GNB4: variants seen among roughly 807,000 people sequenced by gnomAD.
The protein encoded by GNB4 is G protein subunit beta 4.
In GNB4, 28 loss-of-function variants were observed where a neutral mutation model predicts 45.2. That is an observed-to-expected ratio of 0.62 (90% CI 0.46 to 0.85). GNB4 has a LOEUF of 0.85. Among genes scored for constraint, GNB4 ranks in the 40% least tolerant of loss-of-function variants. GNB4 has a pLI of 0.00. For missense variants in GNB4, 321 were observed against 425.4 expected (o/e 0.75, Z 2.16); for synonymous variants, 132 against 143.7 (o/e 0.92, Z 0.58).
intron 1 of GNB4, among the ~76,000 whole-genome samples, chr3:179,432,561 T>G (rs915278772): frequency 1.1e-4 from 17 of 152,196 alleles, no homozygotes; most frequent in African/African-American, 4.1e-4. Flanking sequence ...AGGTGAAGCC[T>G]AATATGGCAA....
chr3:179,432,370 C>T (rs1715332474), intron 1 of GNB4, among the ~76,000 whole-genome samples: 1 of 152,102 alleles, frequency 6.6e-6, no homozygotes, highest in African/African-American at 2.4e-5. Context: ...CATTTTGTCA[C>T]TTGGGAGAGA....
intron 2 of GNB4, 69 bp from the exon 3 acceptor site, chr3:179,420,996 G>A (rs1042535320): frequency 6.8e-6 from 6 of 883,720 alleles, no homozygotes; most frequent in Non-Finnish European, 1.1e-5. Flanking sequence ...TACTTTTATT[G>A]AAAACGTAGA....
the GNB4 span, among the ~76,000 whole-genome samples, chr3:179,514,468 AG>A: frequency 6.6e-6 from 1 of 152,182 alleles, no homozygotes; most frequent in Non-Finnish European, 1.5e-5. Context: ...TTACAGGGCA[AG>A]GGTGTGAAGC....
At chr3:179,502,228 C>CTTTTTTTTTTT in the GNB4 span, among the ~76,000 whole-genome samples, 2 of 73,462 alleles carry the variant, frequency 2.7e-5, no homozygotes, top group Admixed American at 3.8e-4. Context: ...TTTTTCTTTT[C>CTTTTTTTTTTT]TTTTTTTTTT....
intron 4 of GNB4, among the ~76,000 whole-genome samples, chr3:179,418,195 C>A (rs192135474): frequency 6.6e-6 from 1 of 152,040 alleles, no homozygotes; most frequent in Non-Finnish European, 1.5e-5. Context: ...CGGCCAGGCG[C>A]GGTGGCTCAC....
chr3:179,468,035 A>AAAAATATATAT, the GNB4 span, among the ~76,000 whole-genome samples: 22 of 89,838 alleles, frequency 2.4e-4, no homozygotes, highest in East Asian at 2.0e-3. Flanking sequence ...TGTTGATAAA[A>AAAAATATATAT]ATATATATAT....
intron 9 of GNB4, among the ~76,000 whole-genome samples, chr3:179,404,818 A>T (rs1714416493): frequency 6.6e-6 from 1 of 152,164 alleles, no homozygotes; most frequent in Non-Finnish European, 1.5e-5. Flanking sequence ...CGACAGGTCT[A>T]TGTCCTGTCC....
the GNB4 span, among the ~76,000 whole-genome samples, chr3:179,525,168 A>C: frequency 6.6e-6 from 1 of 152,164 alleles, no homozygotes; most frequent in African/African-American, 2.4e-5. Context: ...GAATGCCTGG[A>C]CGTCGAGCAC....
the GNB4 span, among the ~76,000 whole-genome samples, chr3:179,524,822 A>G: frequency 2.6e-5 from 4 of 152,138 alleles, no homozygotes; most frequent in African/African-American, 7.2e-5. Flanking sequence ...GACTATGCCT[A>G]CAGCTCCAGC....
chr3:179,496,963 T>C, the GNB4 span, among the ~76,000 whole-genome samples: 2 of 152,116 alleles, frequency 1.3e-5, no homozygotes, highest in Non-Finnish European at 2.9e-5. Flanking sequence ...CTTAGACTTG[T>C]ACTACACATT....
Position 179,420,833 on chromosome 3 carries a change from T to C in GNB4, c.96+56A>G. 3.8e-6 allele frequency: 4 copies of C among 1,044,660 alleles called. No individual in the cohort carries two copies. In the South Asian group the frequency reaches 5.3e-5, roughly 14 times the overall value. 64.7% of individuals were successfully genotyped at this position (1,044,660 alleles called of 1,614,324 possible). A position where few individuals can be genotyped will look rare whatever the true frequency, so the allele number is the denominator to read the frequency against. ...CAAGAATCTGAATGTCATTTGCCTC[T>C]ATGTCAAATTATTTTATGAGTTACC... is the stretch of plus-strand genomic sequence containing the variant. On this transcript the variant is annotated intron_variant, in intron 3 of 9. Coordinates refer to ENST00000232564, the MANE Select transcript of GNB4 (RefSeq NM_021629.4).
the GNB4 span, among the ~76,000 whole-genome samples, chr3:179,471,443 CT>C: frequency 6.6e-6 from 1 of 152,076 alleles, no homozygotes; most frequent in Non-Finnish European, 1.5e-5. Flanking sequence ...TTTTATTGTA[CT>C]TTTTCTATGT....
chr3:179,405,332 A>T lies in GNB4; in HGVS notation c.774T>A (p.Asp258Glu). Residue 258 changes from aspartate (D) to glutamate (E), a missense_variant, in exon 9 of 10, where the codon GAT becomes GAA. By Grantham distance (45) the Asp-to-Glu change is conservative (BLOSUM62 2). Coordinates refer to ENST00000232564, the MANE Select transcript of GNB4 (RefSeq NM_021629.4). ...ATCRLFDLRA[D>E]QELLLYSHDN... is the part of the protein sequence containing the mutation. ...CATGAGAATACAATAATAACTCTTG[A>T]TCTGCACGAAGGTCAAAGAGCCGGC... 6.2e-7 allele frequency: 1 copy of T among 1,614,152 alleles called. No individual in the cohort carries two copies. Among genetic ancestry groups the T allele is most frequent in the Non-Finnish European group, 8.5e-7 (1 of 1,179,976 alleles).
At chr3:179,515,775 A>T in the GNB4 span, among the ~76,000 whole-genome samples, 1 of 152,142 alleles carries the variant, frequency 6.6e-6, no homozygotes. Context: ...GGGGGGTGGT[A>T]TGGAGAGATA....
intron 8 of GNB4, 71 bp from the exon 9 acceptor site, chr3:179,405,477 A>G: frequency 9.4e-7 from 1 of 1,058,576 alleles, no homozygotes; most frequent in Non-Finnish European, 1.4e-6. Context: ...GTAATAATAG[A>G]CAAATCTAGA....
chr3:179,511,951 T>C, the GNB4 span, among the ~76,000 whole-genome samples: 8 of 152,248 alleles, frequency 5.3e-5, no homozygotes, highest in African/African-American at 1.9e-4. Context: ...GAGGCTAGCA[T>C]GACTAAAGAA....
At chr3:179,458,547 C>T in the GNB4 span, among the ~76,000 whole-genome samples, 43 of 152,222 alleles carry the variant, frequency 2.8e-4, no homozygotes, top group African/African-American at 9.9e-4. Flanking sequence ...GTATCCTTGG[C>T]ATATTGGTTC....
At chr3:179,520,719 C>A in the GNB4 span, among the ~76,000 whole-genome samples, 3 of 152,166 alleles carry the variant, frequency 2.0e-5, no homozygotes, top group Non-Finnish European at 4.4e-5. Context: ...ATCCGGCCTC[C>A]CACATTATTC....
the GNB4 span, chr3:179,464,574 G>A: frequency 6.0e-6 from 9 of 1,508,448 alleles, 1 homozygote; most frequent in South Asian, 1.1e-5. Flanking sequence ...CCTGGTTGGC[G>A]AGAGTTCTGC....
Sources: gnomAD v4.1 joint callset for allele counts (sites outside exome capture counted in the v4.1 genomes callset) on GRCh38, gnomAD v4.1.1 for gene constraint, MANE v1.5 for transcripts, NCBI Gene and HGNC (gene_info 2026-07-23, HGNC 2026-07-21) for gene names.